Variants in SNTB2 observed in about 807,000 individuals in gnomAD.
SNTB2 encodes beta-2-syntrophin.
In SNTB2, 34 loss-of-function variants were observed where a neutral mutation model predicts 46.2. The observed-to-expected ratio is 0.74, with a 90% CI of 0.56 to 0.98. The LOEUF is 0.98. SNTB2 is among the 50% of genes least tolerant of loss of function. The pLI is 0.00. For missense variants in SNTB2, 603 were observed against 731.4 expected (o/e 0.82, Z 2.02); for synonymous variants, 290 against 312.6 (o/e 0.93, Z 0.76).
intron 5 of SNTB2, among the ~76,000 whole-genome samples, chr16:69,297,965 A>C (rs1022873622): frequency 3.3e-5 from 5 of 152,142 alleles, no homozygotes; most frequent in Admixed American, 2.6e-4. Context: ...AATTGTTTAG[A>C]CATTGCTCTG....
In SNTB2 at chr16:69,301,117, AG is replaced by A. The variant is rs1448072186; in HGVS notation, c.*194del. On this transcript the variant is annotated 3_prime_UTR_variant, in exon 7 of 7. Transcript: ENST00000336278. ...ACAGTCTACCTTGGCCAGATATTCT[AG>A]CACTCTAAAAGGCTCCAAAATGAAG... The A allele has an allele frequency of 2.3e-4, 119 of 519,682 alleles. No homozygotes were observed. The highest frequency in any genetic ancestry group is 1.2e-4 in the Admixed American group (4 of 32,184). 32.2% of individuals were successfully genotyped at this position (519,682 alleles called of 1,614,324 possible). A position where few individuals can be genotyped will look rare whatever the true frequency, so the allele number is the denominator to read the frequency against.
chr16:69,206,606 G>A (rs12919044), intron 1 of SNTB2, among the ~76,000 whole-genome samples: 57,449 of 149,930 alleles, frequency 0.38, 11,207 homozygotes, highest in East Asian at 0.48. Flanking sequence ...CAGGAGAATC[G>A]CTTGAACCTG....
intron 1 of SNTB2, among the ~76,000 whole-genome samples, chr16:69,208,919 A>G (rs981198872): frequency 1.3e-5 from 2 of 151,996 alleles, no homozygotes; most frequent in African/African-American, 2.4e-5. Flanking sequence ...TTACTCAAAT[A>G]TTTGTTTGTT....
At chr16:69,275,448 A>T (rs746467044) in intron 4 of SNTB2, among the ~76,000 whole-genome samples, 3 of 152,134 alleles carry the variant, frequency 2.0e-5, no homozygotes, top group Non-Finnish European at 4.4e-5. Context: ...GGATTAGAAT[A>T]AAAAAAGACA....
intron 4 of SNTB2, among the ~76,000 whole-genome samples, chr16:69,271,415 G>A (rs926545911): frequency 8.6e-5 from 13 of 152,038 alleles, no homozygotes; most frequent in African/African-American, 2.9e-4. Context: ...TTAATATTTG[G>A]TTTTTTAAAT....
chr16:69,272,617 C>T (rs968966280), intron 4 of SNTB2, among the ~76,000 whole-genome samples: 8 of 150,078 alleles, frequency 5.3e-5, no homozygotes, highest in African/African-American at 2.0e-4. Context: ...TGGGGCTGGG[C>T]GCAGTGGCTC....
intron 3 of SNTB2, among the ~76,000 whole-genome samples, chr16:69,263,831 CTT>C (rs71383979): frequency 3.0e-4 from 46 of 150,992 alleles, no homozygotes; most frequent in Non-Finnish European, 5.0e-4. Flanking sequence ...TATGCCAAGA[CTT>C]TTTTATTTTA....
chr16:69,235,741 C>A, intron 1 of SNTB2: 1 of 1,288,214 alleles, frequency 7.8e-7, no homozygotes, highest in Admixed American at 2.3e-5. Context: ...TTTTTCTCTG[C>A]TTTCAGGCCT....
intron 1 of SNTB2, among the ~76,000 whole-genome samples, chr16:69,216,548 C>G (rs185498750): frequency 6.6e-6 from 1 of 151,454 alleles, no homozygotes; most frequent in East Asian, 1.9e-4. Context: ...ATTAGCTGAG[C>G]ATGGTGTGCA....
chr16:69,216,190 C>A (rs1482918732), intron 1 of SNTB2, among the ~76,000 whole-genome samples: 1 of 152,198 alleles, frequency 6.6e-6, no homozygotes, highest in Non-Finnish European at 1.5e-5. Flanking sequence ...TAAACACTTA[C>A]TGAGCTCCTG....
At chr16:69,266,924 C>G (rs1441793228) in intron 3 of SNTB2, among the ~76,000 whole-genome samples, 1 of 152,070 alleles carries the variant, frequency 6.6e-6, no homozygotes, top group Non-Finnish European at 1.5e-5. Flanking sequence ...AGCATGTTGC[C>G]CAGGCTCAAG....
chr16:69,212,932 C>G (rs944151272), intron 1 of SNTB2, among the ~76,000 whole-genome samples: 2 of 152,128 alleles, frequency 1.3e-5, no homozygotes, highest in African/African-American at 4.8e-5. Flanking sequence ...CTTGCCCAGC[C>G]TATGTTATTT....
At chr16:69,262,813 A>T (rs1964847689) in intron 3 of SNTB2, among the ~76,000 whole-genome samples, 2 of 152,080 alleles carry the variant, frequency 1.3e-5, no homozygotes, top group Non-Finnish European at 2.9e-5. Context: ...AGTAGCTGGG[A>T]TTACAGGCAC....
intron 2 of SNTB2, among the ~76,000 whole-genome samples, chr16:69,250,782 A>G (rs1285280026): frequency 6.6e-6 from 1 of 151,932 alleles, no homozygotes; most frequent in Non-Finnish European, 1.5e-5. Flanking sequence ...AGGCTGAGGC[A>G]TGGGAATTGC....
chr16:69,207,925 T>C (rs1964240504), intron 1 of SNTB2, among the ~76,000 whole-genome samples: 1 of 149,490 alleles, frequency 6.7e-6, no homozygotes, highest in Admixed American at 6.7e-5. Context: ...CTGGCCAACA[T>C]GATGAAACCC....
intron 1 of SNTB2, among the ~76,000 whole-genome samples, chr16:69,216,054 C>T (rs1173073971): frequency 3.3e-5 from 5 of 152,166 alleles, no homozygotes; most frequent in African/African-American, 9.7e-5. Flanking sequence ...GGGCTCAAGC[C>T]GTCCTCTGTC....
chr16:69,199,597 A>G (rs1270263539), intron 1 of SNTB2, among the ~76,000 whole-genome samples: 2 of 146,294 alleles, frequency 1.4e-5, no homozygotes, highest in Admixed American at 6.9e-5. Flanking sequence ...CACTGCCTCA[A>G]AAAAAAAAAA....
chr16:69,196,774 A>G lies in SNTB2; in HGVS notation c.580+9028A>G, dbSNP rs547674123. ...AAGATTAAACAGTCAGTGCAAGGTTATAGAATTTGTAGGTGATAGAGGCAA... is the reference window on the plus strand; with the variant it reads ...AAGATTAAACAGTCAGTGCAAGGTTGTAGAATTTGTAGGTGATAGAGGCAA... On this transcript the variant is annotated intron_variant, in intron 1 of 6. Transcript: ENST00000336278. Among the ~76,000 whole-genome samples the G allele has an allele frequency of 7.9e-5, 12 of 152,346 alleles. No homozygotes were observed. In the East Asian group the frequency reaches 2.3e-3, roughly 29 times the overall value.
chr16:69,233,158 C>G (rs1010256324), intron 1 of SNTB2, among the ~76,000 whole-genome samples: 6 of 152,154 alleles, frequency 3.9e-5, no homozygotes, highest in African/African-American at 1.4e-4. Flanking sequence ...CTTTTCCCCC[C>G]TCATGCCTAG....
Sources: allele counts gnomAD v4.1 joint callset (sites outside exome capture counted in the v4.1 genomes callset), GRCh38; gene constraint gnomAD v4.1.1; transcripts MANE v1.5; gene names NCBI Gene and HGNC (gene_info 2026-07-23, HGNC 2026-07-21).